Variants in CCZ1 observed in about 807,000 individuals in gnomAD.
The protein encoded by CCZ1 is CCZ1 vacuolar protein trafficking and biogenesis associated.
CCZ1 carries 19 observed loss-of-function variants against 57.8 expected under a neutral mutation model. That is an observed-to-expected ratio of 0.33 (90% CI 0.23 to 0.48). The LOEUF is 0.48. Among genes scored for constraint, CCZ1 ranks in the 20% least tolerant of loss-of-function variants. The probability of loss-of-function intolerance (pLI) is 0.99; values close to 1 mark genes in which losing one functional copy is unlikely to be tolerated. For missense variants in CCZ1, 200 were observed against 492.0 expected (o/e 0.41, Z 5.61); for synonymous variants, 81 against 167.0 (o/e 0.49, Z 3.97).
Position 5,912,376 on chromosome 7 carries a change from CCTTTTTTTT to C in CCZ1, c.842+455_843-458del, listed in dbSNP as rs1279671630. Among the ~76,000 whole-genome samples, 490 of 99,836 alleles carry C rather than the reference CCTTTTTTTT, an allele frequency of 4.9e-3. 18 individuals are homozygous for C. The highest frequency in any genetic ancestry group is 0.018 in the African/African-American group (426 of 24,120). 65.5% of individuals were successfully genotyped at this position (99,836 alleles called of 152,430 possible). A position where few individuals can be genotyped will look rare whatever the true frequency, so the allele number is the denominator to read the frequency against. ...TGAGTTAAAACTTACTTCAGCATACCCTTTTTTTTTTTTTTTTTTTTTTTTTTTTTTTTT... is the reference window on the plus strand; with the variant it reads ...TGAGTTAAAACTTACTTCAGCATACCTTTTTTTTTTTTTTTTTTTTTTTTT... On this transcript the variant is annotated intron_variant, in intron 9 of 14. Coordinates refer to ENST00000325974, the MANE Select transcript of CCZ1 (RefSeq NM_015622.6).
intron 6 of CCZ1, among the ~76,000 whole-genome samples, chr7:5,904,365 C>A (rs1781754266): frequency 6.9e-6 from 1 of 144,810 alleles, no homozygotes; most frequent in Non-Finnish European, 1.5e-5. Flanking sequence ...GGATTACAGG[C>A]GCGAGCCGCT....
intron 7 of CCZ1, among the ~76,000 whole-genome samples, chr7:5,908,161 A>G (rs1403154946): frequency 6.9e-6 from 1 of 143,966 alleles, no homozygotes; most frequent in Non-Finnish European, 1.5e-5. Flanking sequence ...AAGCTGTTAT[A>G]TTAAATACCA....
intron 12 of CCZ1, among the ~76,000 whole-genome samples, chr7:5,920,599 G>C (rs1191187415): frequency 3.0e-5 from 4 of 133,024 alleles, no homozygotes; most frequent in African/African-American, 1.1e-4. Context: ...ATCCTCTTGA[G>C]TAGCTGGGAT....
intron 8 of CCZ1, 106 bp from the exon 9 acceptor site, chr7:5,911,755 A>G: frequency 3.6e-6 from 4 of 1,103,134 alleles, no homozygotes; most frequent in Non-Finnish European, 5.1e-6. Flanking sequence ...TCTAAAAGAA[A>G]AAGACAAATG....
intron 7 of CCZ1, among the ~76,000 whole-genome samples, chr7:5,905,483 G>C (rs541522989): frequency 1.4e-5 from 2 of 145,790 alleles, no homozygotes; most frequent in South Asian, 4.6e-4. Context: ...GTTTAAAACT[G>C]GTTGCATGAA....
intron 6 of CCZ1, among the ~76,000 whole-genome samples, chr7:5,904,071 A>C (rs1314582200): frequency 7.3e-6 from 1 of 137,744 alleles, no homozygotes; most frequent in South Asian, 2.6e-4. Flanking sequence ...TTTGAAGAGC[A>C]TTAAGGCAGG....
At chr7:5,905,932 C>T (rs141602668) in intron 7 of CCZ1, among the ~76,000 whole-genome samples, 13 of 101,424 alleles carry the variant, frequency 1.3e-4, no homozygotes, top group African/African-American at 3.6e-4. Context: ...CTTATAGAGA[C>T]GGGGTTTACT....
chr7:5,915,688 C>CTT (rs1779134519), intron 10 of CCZ1, among the ~76,000 whole-genome samples: 1 of 143,994 alleles, frequency 6.9e-6, no homozygotes, highest in Admixed American at 7.2e-5. Context: ...CCGTGACCAC[C>CTT]TTTAGGGTAA....
chr7:5,899,595 CA>C (rs527239502), intron 1 of CCZ1, among the ~76,000 whole-genome samples: 58 of 93,784 alleles, frequency 6.2e-4, no homozygotes, highest in African/African-American at 1.5e-3. Context: ...CCCAACTCTA[CA>C]AAAAAAAAAA....
intron 5 of CCZ1, 47 bp from the exon 6 acceptor site, chr7:5,902,614 G>A: frequency 6.5e-7 from 1 of 1,544,702 alleles, no homozygotes; most frequent in South Asian, 1.3e-5. Context: ...CTGAAAAAGT[G>A]AGCATAGGAA....
At chr7:5,906,197 C>G (rs1781816451) in intron 7 of CCZ1, among the ~76,000 whole-genome samples, 1 of 148,288 alleles carries the variant, frequency 6.7e-6, no homozygotes, top group African/African-American at 2.5e-5. Context: ...CCCCTGAGAG[C>G]TGGGTGGCAA....
chr7:5,906,323 CTTT>C (rs398066572), intron 7 of CCZ1, among the ~76,000 whole-genome samples: 1,552 of 127,994 alleles, frequency 0.012, 46 homozygotes, highest in Non-Finnish European at 0.018. Flanking sequence ...TTCTTTCTTT[CTTT>C]TTTTTTTTTT....
At chr7:5,902,136 A>G (rs1027820321) in intron 5 of CCZ1, 1 of 176,270 alleles carries the variant, frequency 5.7e-6, no homozygotes, top group Non-Finnish European at 1.2e-5. Flanking sequence ...TCTACAAAAA[A>G]TTTTTATAAA....
chr7:5,908,127 G>A (rs567385807), intron 7 of CCZ1, among the ~76,000 whole-genome samples: 3 of 142,702 alleles, frequency 2.1e-5, no homozygotes, highest in African/African-American at 5.3e-5. Flanking sequence ...AAAACAGCAC[G>A]TTTTGACGGA....
chr7:5,901,541 A>T (rs1781685919), intron 4 of CCZ1, 116 bp from the exon 5 acceptor site: 4 of 1,423,592 alleles, frequency 2.8e-6, no homozygotes, highest in Non-Finnish European at 3.7e-6. Context: ...CTATTGTGGG[A>T]CAAAGTTTAT....
chr7:5,899,847 G>A (rs367816743), intron 1 of CCZ1, among the ~76,000 whole-genome samples: 10 of 151,296 alleles, frequency 6.6e-5, no homozygotes, highest in East Asian at 5.9e-4. Flanking sequence ...TGTGTCTGCA[G>A]ATGGGCACAC....
intron 12 of CCZ1, among the ~76,000 whole-genome samples, chr7:5,923,085 A>G (rs374086755): frequency 0.13 from 14,391 of 108,888 alleles, 495 homozygotes; most frequent in East Asian, 0.4. Context: ...TTGGGAGGCC[A>G]AGGCGGGTGG....
intron 8 of CCZ1, among the ~76,000 whole-genome samples, chr7:5,910,528 A>C (rs1218840617): frequency 6.8e-6 from 1 of 146,204 alleles, no homozygotes; most frequent in Non-Finnish European, 1.5e-5. Flanking sequence ...AGGTTTCACT[A>C]TGTTGGCCAG....
chr7:5,905,838 G>C (rs1482602154), intron 7 of CCZ1, among the ~76,000 whole-genome samples: 4 of 123,038 alleles, frequency 3.3e-5, no homozygotes, highest in Non-Finnish European at 6.6e-5. Flanking sequence ...TAAGGTTTAG[G>C]AATCCTGTTT....
Sources: gnomAD v4.1 joint callset for allele counts (sites outside exome capture counted in the v4.1 genomes callset) on GRCh38, gnomAD v4.1.1 for gene constraint, MANE v1.5 for transcripts, NCBI Gene and HGNC (gene_info 2026-07-23, HGNC 2026-07-21) for gene names.